The following ITPR2 variants were observed in gnomAD, a reference collection of about 807,000 sequenced individuals.
ITPR2 encodes the protein inositol 1,4,5-trisphosphate receptor type 2.
Under a neutral mutation model 317.1 loss-of-function variants are expected in ITPR2, and 207 were observed. The observed-to-expected ratio is 0.65, with a 90% CI of 0.58 to 0.73. The LOEUF (loss-of-function observed/expected upper bound fraction) is 0.73. ITPR2 is among the 30% of genes least tolerant of loss of function. ITPR2 has a pLI of 0.00. For missense variants in ITPR2, 2,613 were observed against 3,284.0 expected (o/e 0.80, Z 4.99); for synonymous variants, 1,156 against 1,149.1 (o/e 1.01, Z -0.12).
chr12:26,435,067 G>A (rs1195565512), intron 48 of ITPR2, among the ~76,000 whole-genome samples: 1 of 151,874 alleles, frequency 6.6e-6, no homozygotes. Context: ...TTTTATTACG[G>A]GTATGCCTTC....
intron 23 of ITPR2, chr12:26,627,220 C>G (rs1946641213): frequency 6.6e-6 from 1 of 152,218 alleles, no homozygotes; most frequent in South Asian, 2.1e-4. Context: ...CGTCTTTATT[C>G]TGGATCAGGC....
intron 34 of ITPR2, among the ~76,000 whole-genome samples, chr12:26,562,261 G>T (rs1944839131): frequency 6.6e-6 from 1 of 152,112 alleles, no homozygotes; most frequent in South Asian, 2.1e-4. Flanking sequence ...TACCTTCCCA[G>T]ATGCCAACAT....
chr12:26,476,764 C>T, intron 44 of ITPR2, 148 bp downstream of exon 44: 1 of 594,336 alleles, frequency 1.7e-6, no homozygotes. Context: ...ACAGGGCCTT[C>T]TGAGGTATTG....
chr12:26,480,672 T>A (rs2136833317), intron 43 of ITPR2, among the ~76,000 whole-genome samples: 1 of 152,068 alleles, frequency 6.6e-6, no homozygotes, highest in Admixed American at 6.5e-5. Context: ...AAACCCCGTC[T>A]CTACTAAAAA....
In ITPR2 at chr12:26,338,512, T is replaced by C. The variant is rs996531031; in HGVS notation, c.*885A>G. 1.3e-5 allele frequency: 2 copies of C among 152,596 alleles called. No homozygotes were observed. The highest frequency in any genetic ancestry group is 4.8e-5 in the African/African-American group (2 of 41,450). 9.5% of individuals were successfully genotyped at this position (152,596 alleles called of 1,614,324 possible). A position where few individuals can be genotyped will look rare whatever the true frequency, so the allele number is the denominator to read the frequency against. ...ATGTTTATAAAAGGCAATGCCACCA[T>C]CATAAGTTTCTCAATAATTCCTATC... On this transcript the variant is annotated 3_prime_UTR_variant, in exon 57 of 57. Transcript: ENST00000381340.
At chr12:26,816,391 G>A (rs1309705997) in intron 1 of ITPR2, among the ~76,000 whole-genome samples, 5 of 152,174 alleles carry the variant, frequency 3.3e-5, no homozygotes. Context: ...AGGAAACTGA[G>A]GTGTTCAGTA....
chr12:26,726,031 G>T (rs909735068), intron 2 of ITPR2: 11 of 288,776 alleles, frequency 3.8e-5, no homozygotes, highest in Non-Finnish European at 5.2e-5. Context: ...TCAAACCCAT[G>T]TAATTGTGGT....
intron 52 of ITPR2, 131 bp downstream of exon 52, chr12:26,411,189 T>G (rs1371201148): frequency 7.9e-6 from 5 of 632,378 alleles, no homozygotes; most frequent in African/African-American, 1.8e-5. Flanking sequence ...ATCTTGGTTC[T>G]TTTACTCTCT....
intron 2 of ITPR2, 67 bp downstream of exon 2, chr12:26,790,090 A>C (rs1950317136): frequency 9.9e-7 from 1 of 1,006,048 alleles, no homozygotes. Context: ...AACATTACTT[A>C]CTTTGAGACA....
At chr12:26,767,933 G>C (rs547238681) in intron 2 of ITPR2, among the ~76,000 whole-genome samples, 15 of 152,324 alleles carry the variant, frequency 9.8e-5, no homozygotes, top group African/African-American at 3.6e-4. Flanking sequence ...GAGATACAAT[G>C]TGGGTCCTCA....
intron 49 of ITPR2, among the ~76,000 whole-genome samples, chr12:26,424,718 T>A (rs1373205379): frequency 6.6e-6 from 1 of 151,054 alleles, no homozygotes. Flanking sequence ...GCCTCCTGAG[T>A]AGCTGGGATT....
chr12:26,768,586 A>AC (rs1949781058), intron 2 of ITPR2, among the ~76,000 whole-genome samples: 18 of 127,268 alleles, frequency 1.4e-4, no homozygotes, highest in Non-Finnish European at 2.4e-4. Context: ...AAAAAAAAAA[A>AC]AAAAAAAAAA....
At chr12:26,524,862 A>C (rs530416247) in intron 37 of ITPR2, among the ~76,000 whole-genome samples, 1 of 152,366 alleles carries the variant, frequency 6.6e-6, no homozygotes, top group South Asian at 2.1e-4. Context: ...GAGTATTCTA[A>C]ACAAAATGTG....
At chr12:26,785,036 C>G (rs1175185799) in intron 2 of ITPR2, among the ~76,000 whole-genome samples, 1 of 28,990 alleles carries the variant, frequency 3.4e-5, no homozygotes, top group Non-Finnish European at 9.1e-5. Context: ...CCGGCCGCCC[C>G]GTCTGAGAAG....
intron 2 of ITPR2, among the ~76,000 whole-genome samples, chr12:26,728,446 CCCA>C (rs1252972386): frequency 6.6e-6 from 1 of 152,132 alleles, no homozygotes; most frequent in Non-Finnish European, 1.5e-5. Flanking sequence ...TCAGCAGCCT[CCCA>C]CAGGGGACAT....
At chr12:26,439,571 A>G (rs946048868) in intron 46 of ITPR2, among the ~76,000 whole-genome samples, 2 of 152,208 alleles carry the variant, frequency 1.3e-5, no homozygotes, top group Non-Finnish European at 2.9e-5. Context: ...AAAACCTTTT[A>G]TTCTTTCTGG....
chr12:26,522,420 A>G lies in ITPR2; in HGVS notation c.5074-27160T>C, dbSNP rs139942728. ...GTTTACGCTTTACACATAATAAATCAGGATTTCCTTGAAATATGGTCCAAC... is the reference window on the plus strand; with the variant it reads ...GTTTACGCTTTACACATAATAAATCGGGATTTCCTTGAAATATGGTCCAAC... On this transcript the variant is annotated intron_variant, in intron 37 of 56. Coordinates refer to ENST00000381340, the MANE Select transcript of ITPR2 (RefSeq NM_002223.4). Among the ~76,000 whole-genome samples the G allele has an allele frequency of 4.1e-3, 630 of 152,334 alleles. 5 individuals are homozygous for G. Among genetic ancestry groups the G allele is most frequent in the Non-Finnish European group, 7.0e-3 (479 of 68,028 alleles).
intron 9 of ITPR2, among the ~76,000 whole-genome samples, chr12:26,705,106 T>C (rs1948526066): frequency 6.6e-6 from 1 of 152,142 alleles, no homozygotes; most frequent in African/African-American, 2.4e-5. Flanking sequence ...TTTTTAAAAA[T>C]ACATTTTATA....
intron 37 of ITPR2, among the ~76,000 whole-genome samples, chr12:26,531,334 A>T (rs1439756294): frequency 6.6e-6 from 1 of 152,256 alleles, no homozygotes; most frequent in Non-Finnish European, 1.5e-5. Flanking sequence ...AGATTTTCAC[A>T]TTAAAGTCTA....
Sources: gnomAD v4.1 joint callset for allele counts (sites outside exome capture counted in the v4.1 genomes callset) on GRCh38, gnomAD v4.1.1 for gene constraint, MANE v1.5 for transcripts, NCBI Gene and HGNC (gene_info 2026-07-23, HGNC 2026-07-21) for gene names.